The following TDRD5 variants were observed in gnomAD, a reference collection of about 807,000 sequenced individuals.
TDRD5 encodes the protein tudor domain containing 5.
In TDRD5, 41 loss-of-function variants were observed where a neutral mutation model predicts 120.6. The ratio of observed to expected loss-of-function variants is 0.34; its 90% CI spans 0.26 to 0.44. TDRD5 has a LOEUF of 0.44. TDRD5 is among the 20% of genes least tolerant of loss of function. TDRD5 has a pLI of 1.00. For synonymous variants in TDRD5, 430 were observed against 433.7 expected, an observed-to-expected ratio of 0.99 and a Z score of 0.11; for missense variants, 1,006 against 1,221.2, an observed-to-expected ratio of 0.82 and a Z score of 2.63.
Position 179,652,170 on chromosome 1 carries a change from G to C in TDRD5, c.2133G>C (p.Gln711His). 1 of 1,610,728 alleles carries C rather than the reference G, an allele frequency of 6.2e-7. No individual in the cohort carries two copies. Among genetic ancestry groups the C allele is most frequent in the Non-Finnish European group, 8.5e-7 (1 of 1,179,264 alleles). ...ATGAAGACCGAAAGATAAGTCCACA[G>C]TCAAAAGAGAGTGAGTTACGTATCT... is the stretch of plus-strand genomic sequence containing the variant. ...YFNEDRKISPQSKESELRILQ... is the reference protein window; with the variant it reads ...YFNEDRKISPHSKESELRILQ... Residue 711 changes from glutamine (Q) to histidine (H), a missense_variant, in exon 13 of 18, where the codon CAG becomes CAC. Around this residue, in one of 3 missense-constraint regions of TDRD5, gnomAD observed 403 missense variants for 448.1 expected, o/e 0.90. Coordinates refer to ENST00000444136, the MANE Select transcript of TDRD5 (RefSeq NM_001199085.3).
At chr1:179,669,140 T>C in intron 16 of TDRD5, 54 bp from the exon 17 acceptor site, 2 of 1,489,526 alleles carry the variant, frequency 1.3e-6, no homozygotes, top group Non-Finnish European at 1.8e-6. Flanking sequence ...TAGGGCTTAA[T>C]TATTCTTATA....
intron 11 of TDRD5, among the ~76,000 whole-genome samples, chr1:179,643,716 C>T (rs369264560): frequency 7.2e-5 from 11 of 152,028 alleles, no homozygotes; most frequent in South Asian, 2.1e-4. Flanking sequence ...GGCTCAATAT[C>T]GGGTACCCCA....
chr1:179,601,508 C>T (rs1287422897), intron 4 of TDRD5, among the ~76,000 whole-genome samples: 1 of 152,142 alleles, frequency 6.6e-6, no homozygotes, highest in Admixed American at 6.5e-5. Flanking sequence ...TCAGTGAAAA[C>T]ATGATGTTTA....
chr1:179,662,366 C>T, intron 15 of TDRD5, 80 bp downstream of exon 15: 1 of 1,460,242 alleles, frequency 6.8e-7, no homozygotes, highest in Non-Finnish European at 9.1e-7. Flanking sequence ...TTTGGGAGGC[C>T]AAGGTGGGTG....
intron 11 of TDRD5, among the ~76,000 whole-genome samples, chr1:179,643,985 T>A (rs1218256569): frequency 1.3e-5 from 2 of 151,910 alleles, no homozygotes; most frequent in Non-Finnish European, 2.9e-5. Context: ...ATATAAATAA[T>A]AACTAACTGC....
intron 4 of TDRD5, among the ~76,000 whole-genome samples, chr1:179,617,992 TC>T (rs140911932): frequency 0.01 from 1,527 of 152,270 alleles, 30 homozygotes; most frequent in African/African-American, 0.034. Flanking sequence ...ATGTCTGACC[TC>T]CCTCCTCTTT....
chr1:179,676,355 G>T (rs951462400), intron 17 of TDRD5, among the ~76,000 whole-genome samples: 1 of 152,148 alleles, frequency 6.6e-6, no homozygotes, highest in Non-Finnish European at 1.5e-5. Context: ...TACATTCAAT[G>T]TTAGTATTGA....
In TDRD5 at chr1:179,593,888, T is replaced by G. The variant is rs552184833; in HGVS notation, c.640+21T>G. The G allele has an allele frequency of 6.9e-6, 11 of 1,604,422 alleles. No individual in the cohort carries two copies. In the South Asian group the frequency reaches 1.1e-4, roughly 16 times the overall value. ...AGCAGGTACGCATGTGAGCAAATGT[T>G]GGAGCAGTCATGGCACATAGAGGGG... On this transcript the variant is annotated intron_variant, in intron 3 of 17. Transcript: ENST00000444136.
intron 11 of TDRD5, among the ~76,000 whole-genome samples, chr1:179,643,670 T>G (rs1399735628): frequency 6.6e-6 from 1 of 151,970 alleles, no homozygotes; most frequent in African/African-American, 2.4e-5. Flanking sequence ...AAAAAATAAT[T>G]AAAGTGAAAA....
intron 9 of TDRD5, among the ~76,000 whole-genome samples, chr1:179,638,753 T>A (rs1165406143): frequency 7.8e-6 from 1 of 127,530 alleles, no homozygotes; most frequent in Non-Finnish European, 1.7e-5. Flanking sequence ...ATATACCTGT[T>A]CTATTGAAAG....
chr1:179,671,738 C>T (rs952750026), intron 17 of TDRD5, among the ~76,000 whole-genome samples: 6 of 151,894 alleles, frequency 4.0e-5, no homozygotes, highest in African/African-American at 1.5e-4. Context: ...CCCTCGAAAC[C>T]CCCCACCCTT....
At chr1:179,619,866 C>A (rs1228626157) in intron 5 of TDRD5, among the ~76,000 whole-genome samples, 1 of 152,108 alleles carries the variant, frequency 6.6e-6, no homozygotes, top group Non-Finnish European at 1.5e-5. Context: ...GGCATTCCCC[C>A]ACTTCAGCCT....
At chr1:179,682,994 C>T (rs1680510933) in intron 17 of TDRD5, among the ~76,000 whole-genome samples, 2 of 150,596 alleles carry the variant, frequency 1.3e-5, no homozygotes, top group Non-Finnish European at 3.0e-5. Flanking sequence ...TTCAAGGAGA[C>T]CTCTCAGCAG....
At chr1:179,648,913 C>T (rs1448812397) in intron 11 of TDRD5, among the ~76,000 whole-genome samples, 2 of 152,134 alleles carry the variant, frequency 1.3e-5, no homozygotes, top group Non-Finnish European at 2.9e-5. Context: ...TAATGAGGGT[C>T]AGCTGGTAGC....
At chr1:179,641,056 A>G (rs1678017566) in intron 11 of TDRD5, among the ~76,000 whole-genome samples, 1 of 152,150 alleles carries the variant, frequency 6.6e-6, no homozygotes, top group African/African-American at 2.4e-5. Context: ...AGGCATTTTC[A>G]TGTATGTAGG....
intron 14 of TDRD5, among the ~76,000 whole-genome samples, chr1:179,655,884 C>G (rs575390220): frequency 1.3e-5 from 2 of 152,222 alleles, no homozygotes; most frequent in South Asian, 4.1e-4. Context: ...TGGGTTGTTT[C>G]TAGTTTGGGG....
intron 11 of TDRD5, among the ~76,000 whole-genome samples, chr1:179,650,169 G>A (rs1320100205): frequency 6.6e-6 from 1 of 152,094 alleles, no homozygotes; most frequent in Non-Finnish European, 1.5e-5. Flanking sequence ...GGGAGGCCAA[G>A]GCAGGTGGAT....
intron 15 of TDRD5, 40 bp downstream of exon 15, chr1:179,662,326 C>G (rs781587621): frequency 1.3e-6 from 2 of 1,578,256 alleles, no homozygotes. Flanking sequence ...TCAGGCCGGG[C>G]ACTGCGGCTC....
At chr1:179,600,229 C>T (rs1190354451) in intron 4 of TDRD5, among the ~76,000 whole-genome samples, 1 of 152,152 alleles carries the variant, frequency 6.6e-6, no homozygotes, top group Non-Finnish European at 1.5e-5. Flanking sequence ...CCTACACATT[C>T]ACCACCCACT....
Sources: gnomAD v4.1 joint callset for allele counts (sites outside exome capture counted in the v4.1 genomes callset) on GRCh38, gnomAD v4.1.1 for gene constraint, gnomAD v4.1.1 regional missense constraint, MANE v1.5 for transcripts, NCBI Gene and HGNC (gene_info 2026-07-23, HGNC 2026-07-21) for gene names.